Variants in PTCHD4 observed in about 807,000 individuals in gnomAD.
PTCHD4 encodes patched domain-containing protein 4.
Under a neutral mutation model 58.1 loss-of-function variants are expected in PTCHD4, and 33 were observed. That is an observed-to-expected ratio of 0.57 (90% CI 0.43 to 0.76). The LOEUF is 0.76. PTCHD4 is among the 30% of genes least tolerant of loss of function. PTCHD4 has a pLI of 0.00. For synonymous variants in PTCHD4, 478 were observed against 409.6 expected (o/e 1.17, Z -2.02); for missense variants, 1,058 against 1,027.1 (o/e 1.03, Z -0.41).
intron 3 of PTCHD4, among the ~76,000 whole-genome samples, chr6:48,031,426 G>T (rs971197896): frequency 6.6e-6 from 1 of 152,008 alleles, no homozygotes; most frequent in African/African-American, 2.4e-5. Context: ...CCACTGCAGT[G>T]GTCCCTGCAC....
At chr6:48,085,000 TC>T (rs1040309597) in intron 1 of PTCHD4, among the ~76,000 whole-genome samples, 4 of 151,412 alleles carry the variant, frequency 2.6e-5, no homozygotes, top group African/African-American at 9.7e-5. Context: ...TGCCTCGGCC[TC>T]CCAAAGTGCT....
rs1289884512 is a variant in PTCHD4, at chr6:47,857,565, T to C, written c.*20738A>G. On this transcript the variant is annotated 3_prime_UTR_variant, in exon 5 of 5. Transcript: ENST00000339488. ...TCTACATTTCTTTATTGCATTCTGATTTTTTCAATATTGCATTGCAGTGCT... is the reference window on the plus strand; with the variant it reads ...TCTACATTTCTTTATTGCATTCTGACTTTTTCAATATTGCATTGCAGTGCT... 6.6e-6 allele frequency among the ~76,000 whole-genome samples: 1 copy of C among 152,032 alleles called. No homozygotes were observed. Among genetic ancestry groups the C allele is most frequent in the Non-Finnish European group, 1.5e-5 (1 of 67,992 alleles).
chr6:47,871,567 C>T lies in PTCHD4; in HGVS notation c.*6736G>A, dbSNP rs749573773. On this transcript the variant is annotated 3_prime_UTR_variant, in exon 5 of 5. Transcript: ENST00000339488. The stretch of plus-strand genomic sequence containing the variant: ...TTCATATTAATGAATATTATGTTAA[C>T]CAGAATGTATAAGTGGGACTGCATA... 6.6e-6 allele frequency among the ~76,000 whole-genome samples: 1 copy of T among 151,520 alleles called. No homozygotes were observed. The highest frequency in any genetic ancestry group is 1.5e-5 in the Non-Finnish European group (1 of 67,708).
At chr6:48,075,571 T>C (rs1264568185) in intron 1 of PTCHD4, among the ~76,000 whole-genome samples, 2 of 152,198 alleles carry the variant, frequency 1.3e-5, no homozygotes, top group Admixed American at 6.5e-5. Context: ...ACAGTTAATA[T>C]TTTGTATCTC....
intron 4 of PTCHD4, among the ~76,000 whole-genome samples, chr6:47,908,700 T>G (rs191709059): frequency 3.2e-4 from 48 of 152,284 alleles, no homozygotes; most frequent in African/African-American, 1.1e-3. Context: ...TCTTAAGGAA[T>G]GTCATGGTTT....
chr6:47,970,282 A>C (rs1213111085), intron 4 of PTCHD4, among the ~76,000 whole-genome samples: 1 of 152,210 alleles, frequency 6.6e-6, no homozygotes. Context: ...ATTAAAAAGA[A>C]AGTGGAAATA....
chr6:47,979,569 CAT>C (rs1417892037), intron 4 of PTCHD4, among the ~76,000 whole-genome samples: 8 of 151,894 alleles, frequency 5.3e-5, no homozygotes, highest in South Asian at 4.1e-4. Flanking sequence ...TTTATAATAA[CAT>C]GTAGGAAAAA....
intron 4 of PTCHD4, among the ~76,000 whole-genome samples, chr6:47,881,794 A>T (rs1161209172): frequency 1.3e-5 from 2 of 152,172 alleles, no homozygotes; most frequent in African/African-American, 4.8e-5. Flanking sequence ...AAAGGAAGCT[A>T]GGCATTGGAA....
intron 4 of PTCHD4, among the ~76,000 whole-genome samples, chr6:48,006,779 C>G (rs1454401277): frequency 6.6e-6 from 1 of 152,188 alleles, no homozygotes; most frequent in East Asian, 1.9e-4. Context: ...ATTAGTGAAT[C>G]CATTGCACTT....
At chr6:47,921,139 C>A (rs1157550251) in intron 4 of PTCHD4, among the ~76,000 whole-genome samples, 1 of 152,106 alleles carries the variant, frequency 6.6e-6, no homozygotes, top group Non-Finnish European at 1.5e-5. Flanking sequence ...GATCTTATGA[C>A]AAAAATAAAT....
chr6:47,930,438 G>A (rs896533893), intron 4 of PTCHD4, among the ~76,000 whole-genome samples: 5 of 152,126 alleles, frequency 3.3e-5, no homozygotes, highest in South Asian at 2.1e-4. Flanking sequence ...TCAAGGTAAG[G>A]TTTCTTGTAG....
chr6:48,062,316 T>C lies in PTCHD4; in HGVS notation c.417+5914A>G, dbSNP rs553859649. On this transcript the variant is annotated intron_variant, in intron 3 of 4. Transcript: ENST00000339488. ...TTGGTCTCCTTATACACTTCCATCA[T>C]GATGTGGGTATGTCTTTGAGTTCTA... 2.0e-4 allele frequency among the ~76,000 whole-genome samples: 31 copies of C among 152,282 alleles called. No homozygotes were observed. In the South Asian group the frequency reaches 5.8e-3, roughly 29 times the overall value.
At chr6:47,902,078 C>A (rs1194072138) in intron 4 of PTCHD4, 3 of 416,538 alleles carry the variant, frequency 7.2e-6, no homozygotes, top group South Asian at 4.1e-5. Context: ...CACATAATAA[C>A]CTGTCTGATT....
intron 1 of PTCHD4, among the ~76,000 whole-genome samples, chr6:48,083,215 C>T (rs1765199716): frequency 1.3e-5 from 2 of 150,898 alleles, no homozygotes; most frequent in Admixed American, 1.3e-4. Flanking sequence ...CTGTAAAGGG[C>T]TAGATATTTT....
In PTCHD4 at chr6:47,860,057, C is replaced by T. The variant is rs923571500; in HGVS notation, c.*18246G>A. On this transcript the variant is annotated 3_prime_UTR_variant, in exon 5 of 5. Coordinates refer to ENST00000339488, the MANE Select transcript of PTCHD4 (RefSeq NM_001384253.1). ...TTCTTTTGTTTAGGCAGATAAAATG[C>T]CTTCTTCAAGGCCTATTTGAAGCTG... Among the ~76,000 whole-genome samples, 4 of 152,000 alleles carry T rather than the reference C, an allele frequency of 2.6e-5. No homozygotes were observed. The highest frequency in any genetic ancestry group is 2.1e-4 in the South Asian group (1 of 4,822).
chr6:48,017,076 T>C (rs866144575), intron 3 of PTCHD4, among the ~76,000 whole-genome samples: 1 of 152,218 alleles, frequency 6.6e-6, no homozygotes, highest in Non-Finnish European at 1.5e-5. Flanking sequence ...CTGTGTTTAG[T>C]AGATGGTGAC....
chr6:48,001,966 T>C (rs1047914361), intron 4 of PTCHD4, among the ~76,000 whole-genome samples: 1 of 152,208 alleles, frequency 6.6e-6, no homozygotes, highest in Non-Finnish European at 1.5e-5. Flanking sequence ...AACAGACACT[T>C]GTCAAAAGAA....
At chr6:47,995,734 T>C (rs1034150770) in intron 4 of PTCHD4, among the ~76,000 whole-genome samples, 5 of 152,178 alleles carry the variant, frequency 3.3e-5, no homozygotes, top group African/African-American at 4.8e-5. Context: ...GCCTTTGAGA[T>C]TGGGTTAACT....
In PTCHD4 at chr6:47,861,512, C is replaced by T. The variant is rs574377872; in HGVS notation, c.*16791G>A. On this transcript the variant is annotated 3_prime_UTR_variant, in exon 5 of 5. Transcript: ENST00000339488. The stretch of plus-strand genomic sequence containing the variant: ...TTTAATACACTAATCAATCATTAGG[C>T]ATCCTTGCCTTCCTATCTTACCATT... 6.6e-6 allele frequency among the ~76,000 whole-genome samples: 1 copy of T among 151,910 alleles called. No homozygotes were observed. Among genetic ancestry groups the T allele is most frequent in the South Asian group, 2.1e-4 (1 of 4,828 alleles).
Sources: allele counts gnomAD v4.1 joint callset (sites outside exome capture counted in the v4.1 genomes callset), GRCh38; gene constraint gnomAD v4.1.1; transcripts MANE v1.5; gene names NCBI Gene and HGNC (gene_info 2026-07-23, HGNC 2026-07-21).